The following ARHGEF4 variants were observed in gnomAD, a reference collection of about 807,000 sequenced individuals.
ARHGEF4 encodes the protein APC-stimulated guanine nucleotide exchange factor 1.
A neutral mutation model predicts 162.0 loss-of-function variants in ARHGEF4; 119 were observed. The ratio of observed to expected loss-of-function variants is 0.73; its 90% CI spans 0.63 to 0.86. The LOEUF is 0.86. ARHGEF4 is among the 40% of genes least tolerant of loss of function. ARHGEF4 has a pLI of 0.00. For missense variants in ARHGEF4, 2,488 were observed against 2,456.0 expected, an observed-to-expected ratio of 1.01 and a Z score of -0.28; for synonymous variants, 1,014 against 979.9, an observed-to-expected ratio of 1.03 and a Z score of -0.65.
intron 1 of ARHGEF4, among the ~76,000 whole-genome samples, chr2:130,883,905 AT>A (rs1481494130): frequency 6.6e-6 from 1 of 152,158 alleles, no homozygotes; most frequent in Admixed American, 6.5e-5. Context: ...TCTATAAAAT[AT>A]GGAATAATAG....
chr2:130,901,394 A>C (rs1336792116), intron 1 of ARHGEF4, among the ~76,000 whole-genome samples: 1 of 152,142 alleles, frequency 6.6e-6, no homozygotes, highest in African/African-American at 2.4e-5. Context: ...TTGGGTGTGC[A>C]TAGCCCTTGT....
chr2:130,975,763 C>T (rs1685659815), intron 4 of ARHGEF4, among the ~76,000 whole-genome samples: 1 of 152,170 alleles, frequency 6.6e-6, no homozygotes. Flanking sequence ...AAAACAAATC[C>T]CTGGCACATT....
intron 4 of ARHGEF4, among the ~76,000 whole-genome samples, chr2:130,947,515 A>C (rs778365142): frequency 7.9e-5 from 12 of 152,202 alleles, no homozygotes; most frequent in Non-Finnish European, 8.8e-5. Flanking sequence ...AGGAGACAGA[A>C]TCATGTAGGG....
intron 1 of ARHGEF4, among the ~76,000 whole-genome samples, chr2:130,841,007 CA>C (rs1392211542): frequency 6.6e-6 from 1 of 152,170 alleles, no homozygotes; most frequent in Non-Finnish European, 1.5e-5. Flanking sequence ...TACTATGCGC[CA>C]GATGTTGTTC....
intron 1 of ARHGEF4, among the ~76,000 whole-genome samples, chr2:130,844,858 C>T (rs1033087553): frequency 3.9e-5 from 6 of 152,040 alleles, no homozygotes; most frequent in Middle Eastern, 3.4e-3. Context: ...ATCTCATACT[C>T]TTGTCACCCA....
At chr2:130,864,668 G>A (rs189995287) in intron 1 of ARHGEF4, among the ~76,000 whole-genome samples, 87 of 152,310 alleles carry the variant, frequency 5.7e-4, no homozygotes, top group Middle Eastern at 3.4e-3. Context: ...AAGTTGTAGT[G>A]AGCCGAGATC....
chr2:130,968,241 C>T (rs1685126843), intron 4 of ARHGEF4, among the ~76,000 whole-genome samples: 1 of 152,198 alleles, frequency 6.6e-6, no homozygotes, highest in South Asian at 2.1e-4. Context: ...AGGGCCAGTT[C>T]TCCCTTTGGA....
In ARHGEF4 at chr2:131,039,450, G is replaced by A. The variant is rs1028867922; in HGVS notation, c.4305+418G>A. The A allele has an allele frequency of 7.8e-6, 8 of 1,025,186 alleles. No individual in the cohort carries two copies. The African/African-American group carries it at 1.4e-4, about 18-fold the overall frequency. The allele number at this position is 1,025,186 out of a possible 1,614,324, so 63.5% of individuals were successfully genotyped here. A position where few individuals can be genotyped will look rare whatever the true frequency, so the allele number is the denominator to read the frequency against. On this transcript the variant is annotated intron_variant, in intron 6 of 13. Transcript: ENST00000409359. ...TTATTAGCCCTGGAGATAGCAGAGA[G>A]GGGACCTGGATTCCATCTAAGGGGG...
At chr2:130,887,086 G>C (rs1236370720) in intron 1 of ARHGEF4, among the ~76,000 whole-genome samples, 1 of 151,794 alleles carries the variant, frequency 6.6e-6, no homozygotes, top group Admixed American at 6.6e-5. Context: ...TCCCAATGTT[G>C]TTTTTCTTTT....
In ARHGEF4 at chr2:130,915,505, C is replaced by G. The variant is rs1021355674; in HGVS notation, c.1559C>G (p.Thr520Ser). Residue 520 changes from threonine to serine, a missense_variant, in exon 2 of 14, where the codon ACC becomes AGC. Physicochemically the swap from Thr to Ser is moderately conservative, Grantham distance 58. Around this residue, in one of 6 missense-constraint regions of ARHGEF4, gnomAD observed 1,642 missense variants for 1,481.5 expected, o/e 1.11. Transcript: ENST00000409359. The part of the protein sequence containing the change: ...YVLSEESKSP[T>S]RAKFPRQPSS... ...CTCAGCGAGGAAAGCAAGTCACCTA[C>G]CAGGGCCAAGTTCCCACGGCAGCCT... 4.4e-5 allele frequency: 69 copies of G among 1,550,572 alleles called. 1 individual carries two copies. In the African/African-American group the frequency reaches 5.6e-4, roughly 13 times the overall value.
intron 1 of ARHGEF4, among the ~76,000 whole-genome samples, chr2:130,902,386 G>C (rs1197505282): frequency 2.6e-5 from 4 of 152,130 alleles, no homozygotes; most frequent in African/African-American, 7.2e-5. Context: ...TTGAGGTCAG[G>C]AGCTTGAGAA....
At chr2:130,986,454 G>T (rs1686505860) in intron 4 of ARHGEF4, among the ~76,000 whole-genome samples, 1 of 152,236 alleles carries the variant, frequency 6.6e-6, no homozygotes, top group Non-Finnish European at 1.5e-5. Context: ...TGGTTAAAAA[G>T]ATGCCATTTA....
chr2:130,939,541 CT>C lies in ARHGEF4; in HGVS notation c.3859-6960del, dbSNP rs1205399546. 2.6e-5 allele frequency among the ~76,000 whole-genome samples: 4 copies of C among 152,000 alleles called. No individual in the cohort carries two copies. The East Asian group carries it at 7.7e-4, about 29-fold the overall frequency. On this transcript the variant is annotated intron_variant, in intron 3 of 13. Transcript: ENST00000409359. ...TAGATGGAGTCCTTCCACTATATTT[CT>C]TTTTTTTCAACATTGTTTTACACGT... is the stretch of plus-strand genomic sequence containing the variant.
intron 1 of ARHGEF4, among the ~76,000 whole-genome samples, chr2:130,869,269 G>A (rs983369167): frequency 4.6e-5 from 7 of 152,146 alleles, no homozygotes; most frequent in Non-Finnish European, 5.9e-5. Context: ...AATCTGTGCC[G>A]GTGATGGAAG....
chr2:130,920,134 C>A (rs1176275418), intron 2 of ARHGEF4, among the ~76,000 whole-genome samples: 1 of 151,954 alleles, frequency 6.6e-6, no homozygotes, highest in Non-Finnish European at 1.5e-5. Context: ...TTTGATTCAG[C>A]GTCTTGCTCT....
intron 4 of ARHGEF4, among the ~76,000 whole-genome samples, chr2:130,965,812 G>C (rs1684963756): frequency 6.6e-6 from 1 of 152,168 alleles, no homozygotes; most frequent in African/African-American, 2.4e-5. Flanking sequence ...GGACACAGAG[G>C]CAGCCTGGAT....
At chr2:130,876,748 CAAAAT>C (rs924417952) in intron 1 of ARHGEF4, among the ~76,000 whole-genome samples, 11 of 152,216 alleles carry the variant, frequency 7.2e-5, no homozygotes, top group African/African-American at 2.6e-4. Flanking sequence ...GATGAGCAAA[CAAAAT>C]CTAAGAGAGT....
chr2:130,874,872 T>C (rs1678719543), intron 1 of ARHGEF4, among the ~76,000 whole-genome samples: 1 of 152,228 alleles, frequency 6.6e-6, no homozygotes. Flanking sequence ...ATCCATATAG[T>C]ATGTACCATT....
At chr2:130,919,255 C>T (rs1559040283) in intron 2 of ARHGEF4, among the ~76,000 whole-genome samples, 1 of 152,170 alleles carries the variant, frequency 6.6e-6, no homozygotes, top group Non-Finnish European at 1.5e-5. Flanking sequence ...CAGCAGCACC[C>T]TTGAGCATGC....
Sources: gnomAD v4.1 joint callset for allele counts (sites outside exome capture counted in the v4.1 genomes callset) on GRCh38, gnomAD v4.1.1 for gene constraint, gnomAD v4.1.1 regional missense constraint, MANE v1.5 for transcripts, NCBI Gene and HGNC (gene_info 2026-07-23, HGNC 2026-07-21) for gene names.